HSPA12A: variants seen among roughly 807,000 people sequenced by gnomAD.
HSPA12A encodes heat shock 70 kDa protein 12A.
A neutral mutation model predicts 69.2 loss-of-function variants in HSPA12A; 28 were observed. That is an observed-to-expected ratio of 0.40 (90% CI 0.30 to 0.55). The LOEUF (loss-of-function observed/expected upper bound fraction) is 0.55. HSPA12A is among the 20% of genes least tolerant of loss of function. The pLI is 0.38. For synonymous variants in HSPA12A, 345 were observed against 370.5 expected, an observed-to-expected ratio of 0.93 and a Z score of 0.79; for missense variants, 686 against 900.7, an observed-to-expected ratio of 0.76 and a Z score of 3.05.
At chr10:116,724,170 G>C (rs986323510) in intron 1 of HSPA12A, among the ~76,000 whole-genome samples, 1 of 152,148 alleles carries the variant, frequency 6.6e-6, no homozygotes, top group African/African-American at 2.4e-5. Context: ...GCTGGAGGCA[G>C]GGCCACAAGG....
intron 2 of HSPA12A, among the ~76,000 whole-genome samples, chr10:116,790,437 T>C (rs1045550436): frequency 6.6e-6 from 1 of 151,980 alleles, no homozygotes; most frequent in African/African-American, 2.4e-5. Flanking sequence ...GTCTCCCTCC[T>C]CTTCCTGCCC....
chr10:116,716,219 C>T (rs554515517), intron 1 of HSPA12A, among the ~76,000 whole-genome samples: 2 of 152,140 alleles, frequency 1.3e-5, no homozygotes, highest in East Asian at 1.9e-4. Flanking sequence ...GGGTATGCCC[C>T]TGCAGAGAGG....
upstream of HSPA12A, among the ~76,000 whole-genome samples, chr10:116,742,953 G>T (rs1201589244): frequency 6.6e-6 from 1 of 152,132 alleles, no homozygotes. Context: ...CAGCGCGCCC[G>T]GCGCTCTCCC....
chr10:116,753,665 A>G (rs1414220230), intron 2 of HSPA12A, among the ~76,000 whole-genome samples: 2 of 151,828 alleles, frequency 1.3e-5, no homozygotes, highest in African/African-American at 4.8e-5. Context: ...CCCACCTCCC[A>G]GAGCACAAAT....
intron 1 of HSPA12A, among the ~76,000 whole-genome samples, chr10:116,718,593 C>T (rs1406041048): frequency 6.6e-6 from 1 of 152,140 alleles, no homozygotes; most frequent in African/African-American, 2.4e-5. Context: ...CACAAAGGCA[C>T]CAACCTTGAG....
chr10:116,742,311 C>A (rs1851538335), intron 1 of HSPA12A, 119 bp downstream of exon 1: 1 of 1,096,664 alleles, frequency 9.1e-7, no homozygotes, highest in Non-Finnish European at 1.2e-6. Flanking sequence ...GAACTGGATG[C>A]AGCGCGGGCG....
At chr10:116,779,083 T>C (rs2133131643) in intron 2 of HSPA12A, among the ~76,000 whole-genome samples, 1 of 152,338 alleles carries the variant, frequency 6.6e-6, no homozygotes, top group East Asian at 1.9e-4. Context: ...ACATCCTTCT[T>C]TGATTCTCCA....
At chr10:116,726,055 A>ACACACAC (rs1554884972) in intron 1 of HSPA12A, among the ~76,000 whole-genome samples, 3 of 143,296 alleles carry the variant, frequency 2.1e-5, no homozygotes, top group Admixed American at 6.8e-5. Context: ...ACACACACAC[A>ACACACAC]ACAGGCCAAG....
At chr10:116,778,901 C>T (rs919746230) in intron 2 of HSPA12A, among the ~76,000 whole-genome samples, 2 of 152,232 alleles carry the variant, frequency 1.3e-5, no homozygotes, top group Non-Finnish European at 2.9e-5. Flanking sequence ...CACCATTGCA[C>T]TCGCAGTGGG....
At chr10:116,714,254 C>T (rs1368953687) in intron 1 of HSPA12A, among the ~76,000 whole-genome samples, 2 of 152,068 alleles carry the variant, frequency 1.3e-5, no homozygotes, top group African/African-American at 4.8e-5. Context: ...GGCATCAACT[C>T]TCTTGAGTTG....
intron 2 of HSPA12A, among the ~76,000 whole-genome samples, chr10:116,819,559 G>C (rs1042982157): frequency 6.6e-6 from 1 of 152,172 alleles, no homozygotes; most frequent in African/African-American, 2.4e-5. Context: ...TGAGGAACGA[G>C]CCCTCACCAG....
At chr10:116,782,173 T>C (rs1420684823) in intron 2 of HSPA12A, among the ~76,000 whole-genome samples, 2 of 152,094 alleles carry the variant, frequency 1.3e-5, no homozygotes, top group East Asian at 1.9e-4. Context: ...AGTGAGACCA[T>C]AAGATGAGAT....
chr10:116,839,157 T>TG (rs1394169871), intron 1 of HSPA12A, among the ~76,000 whole-genome samples: 2 of 152,226 alleles, frequency 1.3e-5, no homozygotes, highest in East Asian at 3.8e-4. Flanking sequence ...ATCTGAACTT[T>TG]GTTTTATAGC....
At chr10:116,774,119 C>T (rs1205499602) in intron 2 of HSPA12A, among the ~76,000 whole-genome samples, 3 of 151,662 alleles carry the variant, frequency 2.0e-5, no homozygotes, top group African/African-American at 4.8e-5. Flanking sequence ...ACGCCATTCT[C>T]CTGCCTCAGC....
chr10:116,823,413 A>G (rs1234603802), intron 2 of HSPA12A, among the ~76,000 whole-genome samples: 1 of 152,226 alleles, frequency 6.6e-6, no homozygotes, highest in African/African-American at 2.4e-5. Flanking sequence ...GCATTCACAA[A>G]GAAATGCAAG....
chr10:116,797,492 A>C (rs1213786158), intron 2 of HSPA12A, among the ~76,000 whole-genome samples: 1 of 152,138 alleles, frequency 6.6e-6, no homozygotes, highest in Admixed American at 6.5e-5. Flanking sequence ...GTGTATATGC[A>C]TATGTGTTTG....
At chr10:116,692,933 G>T (rs1374879629) in intron 5 of HSPA12A, among the ~76,000 whole-genome samples, 1 of 152,128 alleles carries the variant, frequency 6.6e-6, no homozygotes, top group Non-Finnish European at 1.5e-5. Context: ...CAAGAATCCT[G>T]TTAGGAAGGG....
chr10:116,766,568 G>T (rs182085133), intron 2 of HSPA12A, among the ~76,000 whole-genome samples: 13 of 152,106 alleles, frequency 8.5e-5, no homozygotes, highest in African/African-American at 2.9e-4. Flanking sequence ...CCCCTTCTTG[G>T]AGGCATTCAG....
At chr10:116,839,965 G>A (rs1845779268) in intron 1 of HSPA12A, among the ~76,000 whole-genome samples, 1 of 151,902 alleles carries the variant, frequency 6.6e-6, no homozygotes, top group African/African-American at 2.4e-5. Context: ...CCCAAGGCAT[G>A]CCCCTAGTGA....
Sources: allele counts gnomAD v4.1 joint callset (sites outside exome capture counted in the v4.1 genomes callset), GRCh38; gene constraint gnomAD v4.1.1; transcripts MANE v1.5; gene names NCBI Gene and HGNC (gene_info 2026-07-23, HGNC 2026-07-21).